Variants in RIMS2 observed in about 807,000 individuals in gnomAD.
RIMS2 encodes regulating synaptic membrane exocytosis 2, also known as regulating synaptic membrane exocytosis protein 2.
A neutral mutation model predicts 174.4 loss-of-function variants in RIMS2; 59 were observed. That is an observed-to-expected ratio of 0.34 (90% CI 0.27 to 0.42). The LOEUF (loss-of-function observed/expected upper bound fraction) is 0.42. Among genes scored for constraint, RIMS2 ranks in the 10% least tolerant of loss-of-function variants. RIMS2 has a pLI of 1.00. For synonymous variants in RIMS2, 606 were observed against 572.5 expected, an observed-to-expected ratio of 1.06 and a Z score of -0.84; for missense variants, 1,620 against 1,666.3, an observed-to-expected ratio of 0.97 and a Z score of 0.48.
intron 2 of RIMS2, among the ~76,000 whole-genome samples, chr8:103,752,522 A>G (rs1396261451): frequency 6.6e-6 from 1 of 152,132 alleles, no homozygotes; most frequent in Non-Finnish European, 1.5e-5. Context: ...ATGGCATTGA[A>G]TCTATAAATT....
At chr8:103,721,282 G>A (rs533551581) in intron 2 of RIMS2, among the ~76,000 whole-genome samples, 115 of 152,214 alleles carry the variant, frequency 7.6e-4, no homozygotes, top group Non-Finnish European at 1.4e-3. Context: ...GAGAAACTGC[G>A]AGCCAATTAA....
chr8:103,675,981 A>G (rs1279346667), intron 1 of RIMS2, among the ~76,000 whole-genome samples: 1 of 152,232 alleles, frequency 6.6e-6, no homozygotes, highest in Admixed American at 6.5e-5. Flanking sequence ...AAAAAAAGGT[A>G]GAAAATTTAT....
At chr8:103,829,373 CA>C (rs2098811804) in intron 3 of RIMS2, among the ~76,000 whole-genome samples, 1 of 152,042 alleles carries the variant, frequency 6.6e-6, no homozygotes, top group Non-Finnish European at 1.5e-5. Flanking sequence ...GGTATATACC[CA>C]AAGGAATATA....
chr8:103,594,270 T>C (rs1461688343), intron 1 of RIMS2, among the ~76,000 whole-genome samples: 1 of 151,656 alleles, frequency 6.6e-6, no homozygotes, highest in African/African-American at 2.4e-5. Flanking sequence ...TTTTATGCTC[T>C]TTGTTGGTAA....
In RIMS2 at chr8:104,088,859, C is replaced by A. The variant is rs78596233; in HGVS notation, c.3334+74244C>A. 9.0e-3 allele frequency among the ~76,000 whole-genome samples: 1,363 copies of A among 151,878 alleles called. 37 individuals are homozygous for A. The East Asian group carries it at 0.1, about 11-fold the overall frequency. On this transcript the variant is annotated intron_variant, in intron 19 of 23. Transcript: ENST00000504942. ...TATCATTCTGACACTTCAATAATAG[C>A]CTTCTTTTCAATAGAGCTCTGCAGA...
At chr8:103,701,970 T>C (rs1247939629) in intron 2 of RIMS2, among the ~76,000 whole-genome samples, 1 of 152,116 alleles carries the variant, frequency 6.6e-6, no homozygotes, top group Non-Finnish European at 1.5e-5. Flanking sequence ...TGTTGGATCA[T>C]ATGGTGGTTC....
rs371273995 is a variant in RIMS2, at chr8:103,897,079, C to G, written c.1624+10856C>G. 6.6e-5 allele frequency among the ~76,000 whole-genome samples: 10 copies of G among 151,716 alleles called. No homozygotes were observed. In the East Asian group the frequency reaches 1.9e-3, roughly 29 times the overall value. ...ACATACATCTTTTTTTCCCCTTATT[C>G]CCATGGATATTTTCACAAACCACTT... On this transcript the variant is annotated intron_variant, in intron 4 of 23. Transcript: ENST00000504942.
At chr8:103,607,989 C>G (rs1250355472) in intron 1 of RIMS2, among the ~76,000 whole-genome samples, 2 of 147,216 alleles carry the variant, frequency 1.4e-5, no homozygotes, top group African/African-American at 5.2e-5. Context: ...CTGAAGCCTT[C>G]TTCTCTCAGC....
intron 19 of RIMS2, among the ~76,000 whole-genome samples, chr8:104,129,471 G>A (rs771174224): frequency 6.6e-6 from 1 of 152,198 alleles, no homozygotes; most frequent in Non-Finnish European, 1.5e-5. Flanking sequence ...ATTGTTGAGA[G>A]TATAATCTAA....
At chr8:103,837,153 T>C (rs1246488987) in intron 3 of RIMS2, among the ~76,000 whole-genome samples, 1 of 152,244 alleles carries the variant, frequency 6.6e-6, no homozygotes, top group African/African-American at 2.4e-5. Context: ...TGCAGTTCTA[T>C]AGGTCAGAAG....
chr8:103,608,220 C>G (rs2095214720), intron 1 of RIMS2, among the ~76,000 whole-genome samples: 1 of 143,150 alleles, frequency 7.0e-6, no homozygotes, highest in African/African-American at 2.7e-5. Context: ...TTCTAACAGA[C>G]AGGACCCTCA....
intron 19 of RIMS2, among the ~76,000 whole-genome samples, chr8:104,215,037 T>A (rs980077180): frequency 2.6e-5 from 4 of 152,202 alleles, no homozygotes; most frequent in African/African-American, 7.2e-5. Flanking sequence ...CCTTTGGTCT[T>A]TAATAACTTT....
At chr8:103,660,836 G>A (rs2096591753) in intron 1 of RIMS2, among the ~76,000 whole-genome samples, 1 of 152,030 alleles carries the variant, frequency 6.6e-6, no homozygotes, top group African/African-American at 2.4e-5. Context: ...AGGATACTTA[G>A]AAAAATTGAT....
intron 2 of RIMS2, among the ~76,000 whole-genome samples, chr8:103,718,056 A>G (rs1936090613): frequency 6.6e-6 from 1 of 152,232 alleles, no homozygotes; most frequent in East Asian, 1.9e-4. Context: ...TCTTGAACTC[A>G]TACTAGCAAT....
chr8:103,821,734 A>T (rs1417405430), intron 3 of RIMS2, among the ~76,000 whole-genome samples: 11 of 151,692 alleles, frequency 7.3e-5, no homozygotes, highest in Admixed American at 3.3e-4. Context: ...ATGCCTATGC[A>T]TCCTGCATAG....
At chr8:103,849,131 G>A (rs140515569) in intron 3 of RIMS2, among the ~76,000 whole-genome samples, 19 of 152,046 alleles carry the variant, frequency 1.2e-4, no homozygotes, top group East Asian at 9.7e-4. Context: ...ATTCCAATTC[G>A]CTATAGGTGA....
At chr8:103,578,022 A>G (rs934188199) in intron 1 of RIMS2, among the ~76,000 whole-genome samples, 2 of 152,228 alleles carry the variant, frequency 1.3e-5, no homozygotes, top group East Asian at 3.8e-4. Flanking sequence ...GATGTTCCAG[A>G]GGGAATTGAG....
intron 3 of RIMS2, among the ~76,000 whole-genome samples, chr8:103,794,324 A>C (rs1406198673): frequency 3.9e-5 from 6 of 152,160 alleles, no homozygotes; most frequent in Admixed American, 2.0e-4. Context: ...CAAAAACAAG[A>C]AATGGGGAAA....
At chr8:103,659,782 C>T (rs1420910116) in intron 1 of RIMS2, among the ~76,000 whole-genome samples, 3 of 152,218 alleles carry the variant, frequency 2.0e-5, no homozygotes, top group Non-Finnish European at 4.4e-5. Context: ...GCCAGATCAA[C>T]ACGAAGAATT....
Sources: allele counts gnomAD v4.1 joint callset (sites outside exome capture counted in the v4.1 genomes callset), GRCh38; gene constraint gnomAD v4.1.1; transcripts MANE v1.5; gene names NCBI Gene and HGNC (gene_info 2026-07-23, HGNC 2026-07-21).